The following RNGTT variants were observed in gnomAD, a reference collection of about 807,000 sequenced individuals.
RNGTT encodes the protein mRNA-capping enzyme.
In RNGTT, 33 loss-of-function variants were observed where a neutral mutation model predicts 79.3. That is an observed-to-expected ratio of 0.42 (90% CI 0.32 to 0.56). The LOEUF (loss-of-function observed/expected upper bound fraction) is 0.56, where lower values mean the gene tolerates loss of function less well. RNGTT is among the 20% of genes least tolerant of loss of function. RNGTT has a pLI of 0.17. For synonymous variants in RNGTT, 222 were observed against 235.9 expected (o/e 0.94, Z 0.54); for missense variants, 497 against 739.1 (o/e 0.67, Z 3.80).
intron 14 of RNGTT, among the ~76,000 whole-genome samples, chr6:88,658,969 C>T (rs2127781044): frequency 6.6e-6 from 1 of 152,352 alleles, no homozygotes; most frequent in East Asian, 1.9e-4. Context: ...TTCCTGGTTC[C>T]TCAGCTTGCA....
intron 11 of RNGTT, 112 bp from the exon 12 acceptor site, chr6:88,801,744 G>A: frequency 1.6e-6 from 1 of 623,952 alleles, no homozygotes; most frequent in Non-Finnish European, 2.8e-6. Context: ...TATAAGAACT[G>A]AAATACAAAA....
intron 4 of RNGTT, among the ~76,000 whole-genome samples, chr6:88,915,347 C>T (rs1470960068): frequency 6.6e-6 from 1 of 152,106 alleles, no homozygotes; most frequent in Non-Finnish European, 1.5e-5. Flanking sequence ...TTTACAATAG[C>T]AAAGACATGG....
chr6:88,895,801 G>T (rs1783227026), intron 6 of RNGTT, among the ~76,000 whole-genome samples: 1 of 152,108 alleles, frequency 6.6e-6, no homozygotes, highest in Non-Finnish European at 1.5e-5. Context: ...AACTACAGTT[G>T]ACACCATCCA....
In RNGTT at chr6:88,856,439, T is replaced by C. The variant is rs17503947; in HGVS notation, c.897-2675A>G. 8.3e-5 allele frequency among the ~76,000 whole-genome samples: 12 copies of C among 144,442 alleles called. No homozygotes were observed. In the South Asian group the frequency reaches 1.6e-3, roughly 19 times the overall value. The allele number at this position is 144,442 out of a possible 152,430, so 94.8% of individuals were successfully genotyped here. On this transcript the variant is annotated intron_variant, in intron 8 of 15. Coordinates refer to ENST00000369485, the MANE Select transcript of RNGTT (RefSeq NM_003800.5). ...TTTTACACACACACACACACACACA[T>C]CTTAGTATCAGACCTTTTCTTTTAA...
chr6:88,858,307 G>C (rs992763168), intron 8 of RNGTT, among the ~76,000 whole-genome samples: 24 of 151,992 alleles, frequency 1.6e-4, no homozygotes, highest in African/African-American at 4.8e-4. Context: ...CTAGATGCTA[G>C]GGTTATAACA....
intron 9 of RNGTT, among the ~76,000 whole-genome samples, chr6:88,850,320 T>C (rs1317721075): frequency 1.3e-5 from 2 of 152,024 alleles, no homozygotes; most frequent in Admixed American, 6.5e-5. Context: ...ACCACTTTAC[T>C]AGGCTTTGTT....
chr6:88,700,936 T>C (rs147191652), intron 13 of RNGTT, among the ~76,000 whole-genome samples: 28 of 152,276 alleles, frequency 1.8e-4, no homozygotes, highest in African/African-American at 6.5e-4. Context: ...AAATACATGA[T>C]ATTAAAAAGG....
intron 13 of RNGTT, among the ~76,000 whole-genome samples, chr6:88,698,058 GAT>G (rs1422549928): frequency 4.2e-5 from 4 of 96,060 alleles, no homozygotes; most frequent in African/African-American, 2.1e-4. Context: ...ACATATATAT[GAT>G]ATATATATGA....
intron 11 of RNGTT, among the ~76,000 whole-genome samples, chr6:88,814,921 T>C (rs890450222): frequency 1.3e-5 from 2 of 152,188 alleles, no homozygotes; most frequent in African/African-American, 4.8e-5. Context: ...TCTGTTTAAA[T>C]AGGTGTGTTG....
At chr6:88,784,871 T>C (rs1779177377) in intron 12 of RNGTT, among the ~76,000 whole-genome samples, 1 of 152,108 alleles carries the variant, frequency 6.6e-6, no homozygotes, top group Admixed American at 6.5e-5. Context: ...TAAAATAATA[T>C]GCTATCTTTT....
chr6:88,734,079 A>G (rs1308847277), intron 13 of RNGTT, among the ~76,000 whole-genome samples: 4 of 152,202 alleles, frequency 2.6e-5, no homozygotes, highest in Non-Finnish European at 5.9e-5. Context: ...CTTAGTCAGA[A>G]GTAAATAACT....
Position 88,902,885 on chromosome 6 carries a change from C to T in RNGTT, c.684+1830G>A, listed in dbSNP as rs546009119. 2.6e-4 allele frequency among the ~76,000 whole-genome samples: 40 copies of T among 151,698 alleles called. No homozygotes were observed. In the Middle Eastern group the frequency reaches 0.01, roughly 39 times the overall value. ...TAATTTTTTGTATTTTTAGTAGAGACGGGGTTTCACATGTTAGCCAGGATG... is the reference window on the plus strand; with the variant it reads ...TAATTTTTTGTATTTTTAGTAGAGATGGGGTTTCACATGTTAGCCAGGATG... On this transcript the variant is annotated intron_variant, in intron 6 of 15. Coordinates refer to ENST00000369485, the MANE Select transcript of RNGTT (RefSeq NM_003800.5).
chr6:88,928,150 T>C (rs1031465193), intron 4 of RNGTT, among the ~76,000 whole-genome samples: 15 of 152,140 alleles, frequency 9.9e-5, no homozygotes, highest in African/African-American at 3.6e-4. Flanking sequence ...AGTTCAAGGC[T>C]GCAGTGAGCC....
chr6:88,799,506 C>G (rs1241452966), intron 12 of RNGTT, among the ~76,000 whole-genome samples: 4 of 151,990 alleles, frequency 2.6e-5, no homozygotes, highest in Non-Finnish European at 5.9e-5. Flanking sequence ...CAATACCAGC[C>G]TGGCTAACAT....
intron 14 of RNGTT, among the ~76,000 whole-genome samples, chr6:88,659,661 T>C (rs571639930): frequency 6.6e-6 from 1 of 151,106 alleles, no homozygotes; most frequent in African/African-American, 2.4e-5. Context: ...TATGTTAAAA[T>C]GACCAAACAT....
intron 8 of RNGTT, among the ~76,000 whole-genome samples, chr6:88,859,204 T>C (rs1014407255): frequency 2.7e-5 from 4 of 148,544 alleles, no homozygotes; most frequent in African/African-American, 7.4e-5. Flanking sequence ...TTATTTTAAC[T>C]TTTTTTTTTA....
At chr6:88,644,516 TC>T (rs1162235388) in intron 14 of RNGTT, among the ~76,000 whole-genome samples, 5 of 152,134 alleles carry the variant, frequency 3.3e-5, no homozygotes, top group Non-Finnish European at 2.9e-5. Flanking sequence ...GCCAGCATCA[TC>T]CTCATACCAA....
chr6:88,703,441 C>T (rs750706727), intron 13 of RNGTT, among the ~76,000 whole-genome samples: 1 of 152,102 alleles, frequency 6.6e-6, no homozygotes, highest in Non-Finnish European at 1.5e-5. Context: ...TGAGAATTAA[C>T]GCAGGAACAG....
chr6:88,727,571 A>T (rs1236435489), intron 13 of RNGTT, among the ~76,000 whole-genome samples: 1 of 152,246 alleles, frequency 6.6e-6, no homozygotes, highest in Non-Finnish European at 1.5e-5. Flanking sequence ...TTGGATAAAT[A>T]GGTCTACAAG....
Sources: allele counts gnomAD v4.1 joint callset (sites outside exome capture counted in the v4.1 genomes callset), GRCh38; gene constraint gnomAD v4.1.1; transcripts MANE v1.5; gene names NCBI Gene and HGNC (gene_info 2026-07-23, HGNC 2026-07-21).